The following ABCC4 variants were observed in gnomAD, a reference collection of about 807,000 sequenced individuals.
ABCC4 encodes the protein ATP binding cassette subfamily C member 4 (PEL blood group).
A neutral mutation model predicts 168.5 loss-of-function variants in ABCC4; 102 were observed. The observed-to-expected ratio is 0.61, with a 90% CI of 0.52 to 0.71. The LOEUF (loss-of-function observed/expected upper bound fraction) is 0.71, where lower values mean the gene tolerates loss of function less well. ABCC4 is among the 30% of genes least tolerant of loss of function. The pLI, the probability that ABCC4 is intolerant of heterozygous loss-of-function variation, is 0.00. For synonymous variants in ABCC4, 617 were observed against 590.7 expected, an observed-to-expected ratio of 1.04 and a Z score of -0.65; for missense variants, 1,402 against 1,605.8, an observed-to-expected ratio of 0.87 and a Z score of 2.17.
intron 4 of ABCC4, among the ~76,000 whole-genome samples, chr13:95,225,102 T>G (rs2039417337): frequency 6.6e-6 from 1 of 150,498 alleles, no homozygotes; most frequent in Non-Finnish European, 1.5e-5. Flanking sequence ...TTCTCTCCCT[T>G]CTTCTCTCCC....
At chr13:95,126,653 G>A (rs927330887) in intron 19 of ABCC4, among the ~76,000 whole-genome samples, 3 of 140,062 alleles carry the variant, frequency 2.1e-5, no homozygotes, top group Non-Finnish European at 4.5e-5. Context: ...TCTGGGAACC[G>A]CCAACAGGTG....
At chr13:95,113,714 C>T (rs549729356) in intron 20 of ABCC4, among the ~76,000 whole-genome samples, 5 of 152,160 alleles carry the variant, frequency 3.3e-5, no homozygotes, top group South Asian at 4.1e-4. Context: ...ATGATCCTGG[C>T]GATACCTCAG....
chr13:95,296,773 C>G (rs1460576245), intron 1 of ABCC4, among the ~76,000 whole-genome samples: 1 of 152,186 alleles, frequency 6.6e-6, no homozygotes, highest in Non-Finnish European at 1.5e-5. Flanking sequence ...CTAGGAGAGT[C>G]TCAGGGATTG....
rs59935866 is a variant in ABCC4, at chr13:95,164,054, A to AAAAAAAAAG, written c.2175+323_2175+324insCTTTTTTTT. Among the ~76,000 whole-genome samples the AAAAAAAAAG allele has an allele frequency of 1.9e-3, 259 of 138,988 alleles. 1 individual carries two copies. Among genetic ancestry groups the AAAAAAAAAG allele is most frequent in the African/African-American group, 6.5e-3 (236 of 36,230 alleles). The allele number at this position is 138,988 out of a possible 152,430, so 91.2% of individuals were successfully genotyped here. A position where few individuals can be genotyped will look rare whatever the true frequency, so the allele number is the denominator to read the frequency against. On this transcript the variant is annotated intron_variant, in intron 16 of 30. Transcript: ENST00000645237. ...AAACTCCATCTCAAAAAAAAAAAAA[A>AAAAAAAAAG]AAAGAAAGAAAGAAAGAAAGAAAGA... is the stretch of plus-strand genomic sequence containing the variant.
At chr13:95,239,182 A>T (rs61972727) in intron 3 of ABCC4, among the ~76,000 whole-genome samples, 15 of 152,074 alleles carry the variant, frequency 9.9e-5, no homozygotes, top group South Asian at 2.1e-4. Context: ...AAAAAAATTT[A>T]AATTATTTTT....
At chr13:95,081,992 C>T (rs766485318) in intron 21 of ABCC4, among the ~76,000 whole-genome samples, 52 of 152,124 alleles carry the variant, frequency 3.4e-4, no homozygotes, top group Middle Eastern at 6.8e-3. Context: ...AGCAAGACTC[C>T]ATCTCAAAAT....
At chr13:95,071,272 G>A (rs546231148) in intron 25 of ABCC4, among the ~76,000 whole-genome samples, 105 of 152,288 alleles carry the variant, frequency 6.9e-4, no homozygotes, top group African/African-American at 2.4e-3. Flanking sequence ...AAAGGATGGA[G>A]GAGGAGAAAG....
intron 20 of ABCC4, among the ~76,000 whole-genome samples, chr13:95,102,886 G>A (rs1341327546): frequency 6.6e-6 from 1 of 150,622 alleles, no homozygotes; most frequent in East Asian, 2.0e-4. Flanking sequence ...CTCCCAAAGT[G>A]CTGGGATTAC....
intron 1 of ABCC4, among the ~76,000 whole-genome samples, chr13:95,258,745 A>T (rs533753808): frequency 6.6e-6 from 1 of 152,228 alleles, no homozygotes; most frequent in South Asian, 2.1e-4. Flanking sequence ...GGGGCCCAGC[A>T]ACCCTCTTTA....
chr13:95,058,314 A>C (rs971937118), intron 26 of ABCC4, among the ~76,000 whole-genome samples: 22 of 151,922 alleles, frequency 1.4e-4, no homozygotes, highest in African/African-American at 5.1e-4. Context: ...TAGACAGAAA[A>C]ACAAACAGTA....
chr13:95,162,298 A>C (rs1217954162), intron 18 of ABCC4, among the ~76,000 whole-genome samples: 1 of 152,216 alleles, frequency 6.6e-6, no homozygotes, highest in Non-Finnish European at 1.5e-5. Context: ...GATGAAATAA[A>C]CACCAAATTT....
At chr13:95,297,018 C>G (rs951905883) in intron 1 of ABCC4, among the ~76,000 whole-genome samples, 1 of 152,124 alleles carries the variant, frequency 6.6e-6, no homozygotes, top group African/African-American at 2.4e-5. Context: ...CACCTGTAAT[C>G]CCAGCACTTT....
chr13:95,131,898 C>T (rs950037669), intron 19 of ABCC4, among the ~76,000 whole-genome samples: 21 of 151,998 alleles, frequency 1.4e-4, no homozygotes, highest in Admixed American at 5.2e-4. Flanking sequence ...TGACAGGTCC[C>T]CAAATTATGA....
chr13:95,126,734 T>TATATATACTCCAAA (rs2035780671), intron 19 of ABCC4, among the ~76,000 whole-genome samples: 1 of 123,940 alleles, frequency 8.1e-6, no homozygotes, highest in African/African-American at 3.1e-5. Context: ...TATATATATA[T>TATATATACTCCAAA]ATATATATAT....
At chr13:95,171,725 T>A (rs948298253) in intron 13 of ABCC4, among the ~76,000 whole-genome samples, 13 of 152,178 alleles carry the variant, frequency 8.5e-5, no homozygotes, top group African/African-American at 2.9e-4. Flanking sequence ...CATAAGCAAG[T>A]ATTTTAGAGA....
intron 19 of ABCC4, among the ~76,000 whole-genome samples, chr13:95,128,550 A>G (rs1036957316): frequency 6.6e-6 from 1 of 152,150 alleles, no homozygotes; most frequent in Non-Finnish European, 1.5e-5. Flanking sequence ...TTCCTTCCCA[A>G]CTGAAAAAGT....
chr13:95,184,145 G>C lies in ABCC4; in HGVS notation c.1545+2556C>G, dbSNP rs751574990. On this transcript the variant is annotated intron_variant, in intron 11 of 30. Transcript: ENST00000645237. ...TCTGCCTGCCACGCAGAAGCCCGCA[G>C]GTGCCTGGGACACTATCCGAGTTAC... 2.0e-5 allele frequency among the ~76,000 whole-genome samples: 3 copies of C among 152,212 alleles called. No homozygotes were observed. The South Asian group carries it at 6.2e-4, about 32-fold the overall frequency.
intron 20 of ABCC4, among the ~76,000 whole-genome samples, chr13:95,107,373 G>A (rs2035045046): frequency 6.6e-6 from 1 of 152,184 alleles, no homozygotes; most frequent in African/African-American, 2.4e-5. Flanking sequence ...GCTGTGTACT[G>A]TATATGTTTA....
At chr13:95,123,722 G>A (rs561309206) in intron 19 of ABCC4, among the ~76,000 whole-genome samples, 1 of 152,306 alleles carries the variant, frequency 6.6e-6, no homozygotes, top group East Asian at 1.9e-4. Flanking sequence ...AGTGAGCACA[G>A]CATGTAGAGT....
Sources: gnomAD v4.1 joint callset for allele counts (sites outside exome capture counted in the v4.1 genomes callset) on GRCh38, gnomAD v4.1.1 for gene constraint, MANE v1.5 for transcripts, NCBI Gene and HGNC (gene_info 2026-07-23, HGNC 2026-07-21) for gene names.